The following BCL2A1 variants were observed in gnomAD, a reference collection of about 807,000 sequenced individuals.
BCL2A1 encodes the protein bcl-2-related protein A1.
Under a neutral mutation model 14.4 loss-of-function variants are expected in BCL2A1, and 10 were observed. That is an observed-to-expected ratio of 0.69 (90% confidence interval 0.43 to 1.18). The LOEUF (loss-of-function observed/expected upper bound fraction) is 1.18. Among genes scored for constraint, BCL2A1 ranks in the 50% most tolerant of loss-of-function variants. BCL2A1 has a pLI of 0.00. For synonymous variants in BCL2A1, 71 were observed against 76.5 expected (o/e 0.93, Z 0.38); for missense variants, 158 against 205.0 (o/e 0.77, Z 1.40).
At chr15:79,970,123 G>A (rs992099237) in intron 1 of BCL2A1, among the ~76,000 whole-genome samples, 5 of 151,784 alleles carry the variant, frequency 3.3e-5, no homozygotes, top group African/African-American at 4.8e-5. Flanking sequence ...TAACAGCCCG[G>A]AATTTATTAT....
intron 1 of BCL2A1, among the ~76,000 whole-genome samples, chr15:79,964,693 A>C (rs1466395376): frequency 6.6e-6 from 1 of 152,242 alleles, no homozygotes; most frequent in Non-Finnish European, 1.5e-5. Flanking sequence ...ACAGATAAGC[A>C]AGTAAATATG....
chr15:79,967,626 T>C (rs758783943), intron 1 of BCL2A1: 9 of 1,596,742 alleles, frequency 5.6e-6, no homozygotes, highest in Admixed American at 3.3e-5. Context: ...AAGTGCCTTC[T>C]CTACTCTTAC....
intron 1 of BCL2A1, among the ~76,000 whole-genome samples, chr15:79,965,642 G>A (rs1430096619): frequency 1.3e-5 from 2 of 152,150 alleles, no homozygotes; most frequent in African/African-American, 2.4e-5. Flanking sequence ...AGTCCAGGCT[G>A]ACTCCCAAGG....
chr15:79,964,747 G>C (rs1370107954), intron 1 of BCL2A1, among the ~76,000 whole-genome samples: 1 of 152,214 alleles, frequency 6.6e-6, no homozygotes, highest in Non-Finnish European at 1.5e-5. Context: ...AGGCAATAAA[G>C]TTGGGTAGGG....
intron 1 of BCL2A1, among the ~76,000 whole-genome samples, chr15:79,965,886 A>G (rs549290203): frequency 1.3e-5 from 2 of 152,040 alleles, no homozygotes; most frequent in South Asian, 2.1e-4. Flanking sequence ...TTAATCATCT[A>G]TACATGTCTC....
chr15:79,967,302 C>A (rs535392285), intron 1 of BCL2A1, among the ~76,000 whole-genome samples: 1 of 151,124 alleles, frequency 6.6e-6, no homozygotes, highest in Non-Finnish European at 1.5e-5. Context: ...CTGCAACCTC[C>A]GCCTCCCAGG....
In BCL2A1 at chr15:79,970,694, A is replaced by T. The variant is rs2141708943; in HGVS notation, c.420+6T>A. ...GAACAATGAAGAATTTTTCCATCACACATACCCAGCCTCCGTTTTGCCTTA... is the reference window on the plus strand; with the variant it reads ...GAACAATGAAGAATTTTTCCATCACTCATACCCAGCCTCCGTTTTGCCTTA... On this transcript the variant is annotated splice_donor_region_variant and intron_variant, in intron 1 of 1. Coordinates refer to ENST00000267953, the MANE Select transcript of BCL2A1 (RefSeq NM_004049.4). 1 of 1,591,228 alleles carries T rather than the reference A, an allele frequency of 6.3e-7. No individual in the cohort carries two copies. Among genetic ancestry groups the T allele is most frequent in the Middle Eastern group, 1.7e-4 (1 of 5,958 alleles).
intron 1 of BCL2A1, among the ~76,000 whole-genome samples, chr15:79,969,875 G>C (rs188475521): frequency 1.3e-5 from 2 of 152,244 alleles, no homozygotes; most frequent in Non-Finnish European, 2.9e-5. Context: ...GGCCGTTGGA[G>C]AGAGGATCAA....
At chr15:79,963,308 AAAAATT>A (rs1188728058) in intron 1 of BCL2A1, among the ~76,000 whole-genome samples, 2 of 152,280 alleles carry the variant, frequency 1.3e-5, no homozygotes, top group African/African-American at 2.4e-5. Flanking sequence ...TTAAACTATG[AAAAATT>A]AAAATTAAAA....
At chr15:79,966,756 A>G (rs1038262494) in intron 1 of BCL2A1, among the ~76,000 whole-genome samples, 5 of 152,326 alleles carry the variant, frequency 3.3e-5, no homozygotes, top group Admixed American at 2.6e-4. Context: ...CATGGTAAAT[A>G]TGGAAGAGGA....
intron 1 of BCL2A1, among the ~76,000 whole-genome samples, chr15:79,963,180 G>A (rs1439281679): frequency 6.6e-6 from 1 of 151,692 alleles, no homozygotes; most frequent in African/African-American, 2.4e-5. Flanking sequence ...AGTAGAAACC[G>A]GGTTTCACCA....
intron 1 of BCL2A1, among the ~76,000 whole-genome samples, chr15:79,962,693 G>A (rs990550164): frequency 5.3e-5 from 8 of 151,610 alleles, no homozygotes; most frequent in African/African-American, 1.7e-4. Flanking sequence ...GACTACAGAC[G>A]CGCACCACCA....
intron 1 of BCL2A1, among the ~76,000 whole-genome samples, chr15:79,966,324 C>G (rs781518605): frequency 6.6e-6 from 1 of 152,010 alleles, no homozygotes; most frequent in Non-Finnish European, 1.5e-5. Context: ...AAGGTTATAC[C>G]TCTAGTGAGT....
intron 1 of BCL2A1, chr15:79,967,531 A>T: frequency 7.8e-7 from 1 of 1,285,830 alleles, no homozygotes; most frequent in Non-Finnish European, 1.1e-6. Flanking sequence ...CGCATTGTTG[A>T]TTCAAAGTTT....
intron 1 of BCL2A1, among the ~76,000 whole-genome samples, chr15:79,961,729 C>T (rs1207197457): frequency 6.6e-6 from 1 of 152,084 alleles, no homozygotes; most frequent in African/African-American, 2.4e-5. Context: ...AAACTAATAC[C>T]TTTGAAGCTA....
chr15:79,966,826 G>A (rs1233042698), intron 1 of BCL2A1, among the ~76,000 whole-genome samples: 1 of 96,962 alleles, frequency 1.0e-5, no homozygotes, highest in African/African-American at 3.0e-5. Context: ...AAGCAGGAAG[G>A]CAGGAAGGCA....
chr15:79,968,720 C>T (rs2035567538), intron 1 of BCL2A1, among the ~76,000 whole-genome samples: 1 of 152,220 alleles, frequency 6.6e-6, no homozygotes, highest in African/African-American at 2.4e-5. Flanking sequence ...CACCCGAGGT[C>T]AGGAGTTCGA....
intron 1 of BCL2A1, among the ~76,000 whole-genome samples, chr15:79,967,964 G>A (rs536927817): frequency 2.6e-5 from 4 of 151,782 alleles, no homozygotes; most frequent in African/African-American, 4.8e-5. Context: ...CTTTAGAAAG[G>A]CTGAGTGTGT....
Position 79,970,776 on chromosome 15 carries a change from T to C in BCL2A1, c.344A>G (p.Tyr115Cys). 2 of 1,614,232 alleles carry C rather than the reference T, an allele frequency of 1.2e-6. No homozygotes were observed. The highest frequency in any genetic ancestry group is 1.7e-6 in the Non-Finnish European group (2 of 1,180,014). Residue 115 changes from tyrosine to cysteine, a missense_variant, in exon 1 of 2, where the codon TAT becomes TGT. Tyr to Cys is a radical substitution (Grantham distance 194). Transcript: ENST00000267953. ...CGCAACAAAATATGAAATCTCCTTA[T>C]AGGTATCCACATCCGGGGCAATTTG... ...RQQIAPDVDTYKEISYFVAEF... is the reference protein window; with the variant it reads ...RQQIAPDVDTCKEISYFVAEF...
Sources: allele counts gnomAD v4.1 joint callset (sites outside exome capture counted in the v4.1 genomes callset), GRCh38; gene constraint gnomAD v4.1.1; transcripts MANE v1.5; gene names NCBI Gene and HGNC (gene_info 2026-07-23, HGNC 2026-07-21).